SLC35D2: variants seen among roughly 807,000 people sequenced by gnomAD.
The protein encoded by SLC35D2 is solute carrier family 35 member D2.
In SLC35D2, 43 loss-of-function variants were observed where a neutral mutation model predicts 41.8. The observed-to-expected ratio is 1.03, with a 90% CI of 0.81 to 1.33. The LOEUF (loss-of-function observed/expected upper bound fraction) is 1.33, where lower values mean the gene tolerates loss of function less well. Ranked by LOEUF, SLC35D2 falls within the 40% of genes most tolerant of loss-of-function variation. SLC35D2 has a pLI of 0.00. For missense variants in SLC35D2, 380 were observed against 408.4 expected (o/e 0.93, Z 0.60); for synonymous variants, 150 against 163.9 (o/e 0.92, Z 0.65).
intron 1 of SLC35D2, among the ~76,000 whole-genome samples, chr9:96,378,855 G>C (rs1273157166): frequency 1.3e-5 from 2 of 152,038 alleles, no homozygotes; most frequent in African/African-American, 4.8e-5. Context: ...CCTGAGCCCA[G>C]GAGGTAGAGG....
chr9:96,375,850 T>C (rs1394923555), intron 1 of SLC35D2, among the ~76,000 whole-genome samples: 2 of 151,922 alleles, frequency 1.3e-5, no homozygotes, highest in African/African-American at 4.8e-5. Flanking sequence ...AAACCCCGTC[T>C]CTACTAAAAA....
intron 9 of SLC35D2, among the ~76,000 whole-genome samples, chr9:96,333,412 C>T (rs10820383): frequency 0.27 from 39,772 of 149,450 alleles, 5,572 homozygotes; most frequent in East Asian, 0.55. Flanking sequence ...CTGGCTAACA[C>T]GGTGAAACCC....
At chr9:96,314,042 G>A (rs574262997) in exon 12 of SLC35D2, 1 of 153,006 alleles carries the variant, frequency 6.5e-6, no homozygotes, top group East Asian at 1.9e-4. Flanking sequence ...AAGGCAGGAG[G>A]ATCACTTGAG....
chr9:96,355,033 A>G (rs2130949241), intron 4 of SLC35D2, among the ~76,000 whole-genome samples: 1 of 150,960 alleles, frequency 6.6e-6, no homozygotes, highest in African/African-American at 2.4e-5. Flanking sequence ...CCCCGTCTCT[A>G]CTTTGAGACA....
intron 1 of SLC35D2, among the ~76,000 whole-genome samples, chr9:96,372,805 C>T (rs1161385532): frequency 6.6e-6 from 1 of 150,586 alleles, no homozygotes; most frequent in Admixed American, 6.6e-5. Flanking sequence ...AGGCTGGTCT[C>T]GAACTCCTGA....
intron 8 of SLC35D2, among the ~76,000 whole-genome samples, chr9:96,339,023 A>T (rs1352475842): frequency 2.0e-5 from 3 of 152,078 alleles, no homozygotes; most frequent in Non-Finnish European, 2.9e-5. Flanking sequence ...ATAAATAAAA[A>T]CTCTATATGT....
At chr9:96,379,894 G>C (rs890185153) in intron 1 of SLC35D2, among the ~76,000 whole-genome samples, 1 of 148,764 alleles carries the variant, frequency 6.7e-6, no homozygotes, top group African/African-American at 2.5e-5. Flanking sequence ...AGAAAGGCTA[G>C]AGCCTTTTTT....
chr9:96,378,232 G>C (rs1038316857), intron 1 of SLC35D2, among the ~76,000 whole-genome samples: 2 of 150,632 alleles, frequency 1.3e-5, no homozygotes, highest in South Asian at 2.1e-4. Context: ...CCAAGAGTTC[G>C]AGACCAGCCT....
chr9:96,375,750 G>A (rs1272198675), intron 1 of SLC35D2, among the ~76,000 whole-genome samples: 1 of 151,950 alleles, frequency 6.6e-6, no homozygotes, highest in Non-Finnish European at 1.5e-5. Flanking sequence ...GGGTGTGGTG[G>A]TTCACGCCTG....
intron 10 of SLC35D2, among the ~76,000 whole-genome samples, chr9:96,323,613 T>G (rs1334413920): frequency 6.6e-6 from 1 of 152,178 alleles, no homozygotes; most frequent in Non-Finnish European, 1.5e-5. Context: ...TGTCCCTCTA[T>G]TCTATGCAAT....
chr9:96,372,093 C>A (rs1436128905), intron 1 of SLC35D2, among the ~76,000 whole-genome samples: 3 of 152,160 alleles, frequency 2.0e-5, no homozygotes, highest in Non-Finnish European at 4.4e-5. Flanking sequence ...TCAAGTGCAG[C>A]CAGCATGACC....
downstream of SLC35D2, among the ~76,000 whole-genome samples, chr9:96,315,714 T>C (rs939092658): frequency 6.6e-5 from 10 of 152,178 alleles, no homozygotes; most frequent in African/African-American, 2.4e-4. Flanking sequence ...ATTACAGGTG[T>C]GAGCCACCGC....
At chr9:96,321,960 G>C (rs780693541) in intron 11 of SLC35D2, 38 bp downstream of exon 11, 2 of 1,198,792 alleles carry the variant, frequency 1.7e-6, no homozygotes, top group Admixed American at 3.6e-5. Flanking sequence ...TAAGGTTCTT[G>C]TCTTCCCAAA....
chr9:96,382,443 A>G (rs867088758), intron 1 of SLC35D2, among the ~76,000 whole-genome samples: 1 of 149,162 alleles, frequency 6.7e-6, no homozygotes, highest in African/African-American at 2.5e-5. Context: ...AACAGAGTGA[A>G]ACCTTGTCTC....
intron 2 of SLC35D2, among the ~76,000 whole-genome samples, chr9:96,365,358 CAA>C (rs951601365): frequency 5.4e-5 from 7 of 129,042 alleles, no homozygotes; most frequent in Admixed American, 8.0e-5. Flanking sequence ...GACTCTATCT[CAA>C]AAAAAAAAAA....
chr9:96,336,450 G>A (rs1247221160), intron 9 of SLC35D2, among the ~76,000 whole-genome samples: 1 of 152,184 alleles, frequency 6.6e-6, no homozygotes, highest in Non-Finnish European at 1.5e-5. Flanking sequence ...CAAACTTTCA[G>A]AAATCAATAG....
intron 8 of SLC35D2, among the ~76,000 whole-genome samples, chr9:96,340,467 A>C (rs939254471): frequency 1.3e-5 from 2 of 151,708 alleles, no homozygotes; most frequent in African/African-American, 4.8e-5. Flanking sequence ...AAATACAAAA[A>C]TTAGCCGGGC....
At chr9:96,316,763 TCTCTA>T (rs1379706299), downstream of SLC35D2, among the ~76,000 whole-genome samples, 34 of 126,822 alleles carry the variant, frequency 2.7e-4, no homozygotes, top group African/African-American at 1.1e-3. Context: ...ATTTCACTCT[TCTCTA>T]AACTAGGTCC....
intron 9 of SLC35D2, among the ~76,000 whole-genome samples, chr9:96,328,653 C>T (rs1587836092): frequency 6.6e-6 from 1 of 152,106 alleles, no homozygotes; most frequent in South Asian, 2.1e-4. Flanking sequence ...GTGGCAGTCA[C>T]AAACAGAACT....
Sources: gnomAD v4.1 joint callset for allele counts (sites outside exome capture counted in the v4.1 genomes callset) on GRCh38, gnomAD v4.1.1 for gene constraint, MANE v1.5 for transcripts, NCBI Gene and HGNC (gene_info 2026-07-23, HGNC 2026-07-21) for gene names.